RXRA: variants seen among roughly 807,000 people sequenced by gnomAD.
The protein encoded by RXRA is retinoid X receptor alpha, also known as retinoic acid receptor RXR-alpha.
Under a neutral mutation model 44.5 loss-of-function variants are expected in RXRA, and 5 were observed. The observed-to-expected ratio is 0.11, with a 90% CI of 0.06 to 0.24. The LOEUF (loss-of-function observed/expected upper bound fraction) is 0.24, where lower values mean the gene tolerates loss of function less well. Ranked by LOEUF, RXRA falls within the 10% of genes least tolerant of loss-of-function variation. The pLI is 1.00. For missense variants in RXRA, 412 were observed against 646.5 expected, an observed-to-expected ratio of 0.64 and a Z score of 3.93; for synonymous variants, 291 against 271.4, an observed-to-expected ratio of 1.07 and a Z score of -0.71.
At position 134,429,199 on chromosome 9, in the gene RXRA, G is replaced by C. The variant is rs1431337917; in HGVS notation, c.1002G>C (p.Arg334=). The C allele has an allele frequency of 1.2e-6, 2 of 1,612,814 alleles. No individual in the cohort carries two copies. The highest frequency in any genetic ancestry group is 1.3e-5 in the African/African-American group (1 of 74,940). ...TGGCCACCGGGCTGCACGTCCACCG[G>C]AACAGCGCCCACAGCGCAGGGGTGG... is the stretch of plus-strand genomic sequence containing the variant. ...ILLATGLHVH[R]NSAHSAGVGA... The change falls in exon 7 of 10, where the codon CGG becomes CGC. Residue 334 remains arginine (R), a synonymous_variant. Transcript: ENST00000481739.
intron 1 of RXRA, among the ~76,000 whole-genome samples, chr9:134,391,847 C>G (rs969645474): frequency 6.6e-6 from 1 of 152,200 alleles, no homozygotes; most frequent in Non-Finnish European, 1.5e-5. Flanking sequence ...TTGTTCCGGG[C>G]TTGGAAACAT....
At chr9:134,368,317 G>GT (rs1830439544) in intron 1 of RXRA, among the ~76,000 whole-genome samples, 1 of 152,238 alleles carries the variant, frequency 6.6e-6, no homozygotes, top group African/African-American at 2.4e-5. Flanking sequence ...GTGGGCTTGA[G>GT]GCCCCCTTGG....
chr9:134,402,136 C>T lies in RXRA; in HGVS notation c.279+254C>T, dbSNP rs191498230. 5.6e-6 allele frequency: 3 copies of T among 539,736 alleles called. No homozygotes were observed. The East Asian group carries it at 9.5e-5, about 17-fold the overall frequency. The allele number at this position is 539,736 out of a possible 1,614,324, so 33.4% of individuals were successfully genotyped here. A position where few individuals can be genotyped will look rare whatever the true frequency, so the allele number is the denominator to read the frequency against. ...CAGCTGGTTATCTGCCCACGTGGCC[C>T]CTTCCCATGCCGGAGGGCTCGGGAC... On this transcript the variant is annotated intron_variant, in intron 2 of 9. Transcript: ENST00000481739.
chr9:134,362,050 G>C (rs1363683337), intron 1 of RXRA, among the ~76,000 whole-genome samples: 2 of 152,190 alleles, frequency 1.3e-5, no homozygotes, highest in Non-Finnish European at 2.9e-5. Flanking sequence ...TCCCAGCCTG[G>C]AGCTGCCCCC....
At chr9:134,422,202 A>G (rs1231167531) in intron 6 of RXRA, 7 of 1,263,382 alleles carry the variant, frequency 5.5e-6, no homozygotes, top group Admixed American at 4.9e-5. Flanking sequence ...CCCTCCAGGG[A>G]CACACTTCCC....
Position 134,370,266 on chromosome 9 carries a change from C to T in RXRA, c.29-31366C>T, listed in dbSNP as rs147135710. ...CACGCTCTGAGCTTGAGCACTGGCT[C>T]CGCCGCTGCTGGGCAGTGTGACCTC... On this transcript the variant is annotated intron_variant, in intron 1 of 9. Transcript: ENST00000481739. 7.2e-3 allele frequency among the ~76,000 whole-genome samples: 1,092 copies of T among 152,274 alleles called. 13 individuals are homozygous for T. The highest frequency in any genetic ancestry group is 0.025 in the African/African-American group (1,032 of 41,556).
chr9:134,420,826 G>C (rs570797515), intron 5 of RXRA, among the ~76,000 whole-genome samples: 10 of 152,186 alleles, frequency 6.6e-5, no homozygotes, highest in African/African-American at 2.2e-4. Context: ...CTCCTGCCCT[G>C]TTCAAGGCTG....
chr9:134,399,248 A>G (rs1830924524), intron 1 of RXRA, among the ~76,000 whole-genome samples: 1 of 152,178 alleles, frequency 6.6e-6, no homozygotes, highest in Admixed American at 6.5e-5. Flanking sequence ...CCTGGTGGGC[A>G]TGGTTGCCTG....
intron 1 of RXRA, among the ~76,000 whole-genome samples, chr9:134,333,099 G>T (rs1429015295): frequency 7.2e-5 from 11 of 152,182 alleles, no homozygotes; most frequent in Non-Finnish European, 1.5e-4. Flanking sequence ...GCCTCTTGGG[G>T]CCGGATCAGG....
intron 4 of RXRA, among the ~76,000 whole-genome samples, chr9:134,415,827 G>A (rs762877227): frequency 8.1e-4 from 123 of 152,232 alleles, no homozygotes; most frequent in Non-Finnish European, 1.4e-3. Context: ...CTTGACTGGA[G>A]TAGGGGCGTG....
In RXRA at chr9:134,421,781, G is replaced by A. The variant is rs959335590; in HGVS notation, c.886G>A (p.Asp296Asn). The part of the protein sequence containing the change: ...IPHFSELPLD[D>N]QVILLRAGWN... Reference sequence around the variant, plus strand: ...ACACTTCTCAGAGCTGCCCCTGGACGACCAGGTCATCCTGCTGCGGGCAGG... The same window carrying A: ...ACACTTCTCAGAGCTGCCCCTGGACAACCAGGTCATCCTGCTGCGGGCAGG... Residue 296 changes from aspartate to asparagine, a missense_variant, in exon 6 of 10, where the codon GAC becomes AAC. Physicochemically the swap from Asp to Asn is conservative, Grantham distance 23. Transcript: ENST00000481739. 4.3e-6 allele frequency: 7 copies of A among 1,612,180 alleles called. No individual in the cohort carries two copies. The East Asian group carries it at 6.7e-5, about 15-fold the overall frequency.
intron 1 of RXRA, among the ~76,000 whole-genome samples, chr9:134,331,602 C>G (rs1409893971): frequency 6.6e-6 from 1 of 152,224 alleles, no homozygotes; most frequent in African/African-American, 2.4e-5. Flanking sequence ...TTGTCCAGGA[C>G]TCACCCTACC....
At chr9:134,350,372 G>A (rs1482540760) in intron 1 of RXRA, among the ~76,000 whole-genome samples, 2 of 152,206 alleles carry the variant, frequency 1.3e-5, no homozygotes, top group Non-Finnish European at 2.9e-5. Context: ...TTCCTTTTCT[G>A]TAAGGGGCAT....
At chr9:134,386,837 T>A (rs1166664983) in intron 1 of RXRA, among the ~76,000 whole-genome samples, 1 of 152,090 alleles carries the variant, frequency 6.6e-6, no homozygotes, top group Non-Finnish European at 1.5e-5. Flanking sequence ...CGTGGGTGGT[T>A]CTCCTCCCTC....
intron 6 of RXRA, chr9:134,423,990 G>T (rs1422207463): frequency 1.0e-6 from 1 of 985,352 alleles, no homozygotes; most frequent in Non-Finnish European, 1.2e-6. Flanking sequence ...AGTCGGGTTG[G>T]ATGGCTGTGT....
chr9:134,423,197 A>C, intron 6 of RXRA: 1 of 985,380 alleles, frequency 1.0e-6, no homozygotes, highest in Non-Finnish European at 1.2e-6. Flanking sequence ...CCAGGCTGTT[A>C]GTGGAGTTTC....
At chr9:134,422,765 T>G in intron 6 of RXRA, 2 of 985,380 alleles carry the variant, frequency 2.0e-6, no homozygotes, top group Non-Finnish European at 2.4e-6. Context: ...CCATCCCTCA[T>G]AAGGAGGTGT....
intron 1 of RXRA, among the ~76,000 whole-genome samples, chr9:134,344,883 A>T (rs1430261692): frequency 6.6e-6 from 1 of 152,150 alleles, no homozygotes; most frequent in Non-Finnish European, 1.5e-5. Flanking sequence ...TAGTGATGGG[A>T]CGCAGCCTCT....
chr9:134,386,780 G>A (rs1213131137), intron 1 of RXRA, among the ~76,000 whole-genome samples: 1 of 152,180 alleles, frequency 6.6e-6, no homozygotes, highest in Non-Finnish European at 1.5e-5. Flanking sequence ...AGGCCACTTT[G>A]TTCCAGAAGA....
Sources: allele counts gnomAD v4.1 joint callset (sites outside exome capture counted in the v4.1 genomes callset), GRCh38; gene constraint gnomAD v4.1.1; transcripts MANE v1.5; gene names NCBI Gene and HGNC (gene_info 2026-07-23, HGNC 2026-07-21).